ARPIN: variants seen among roughly 807,000 people sequenced by gnomAD.
ARPIN encodes UPF0552 protein C15orf38.
ARPIN carries 23 observed loss-of-function variants against 25.9 expected under a neutral mutation model. That is an observed-to-expected ratio of 0.89 (90% CI 0.64 to 1.26). The LOEUF (loss-of-function observed/expected upper bound fraction) is 1.26, where lower values mean the gene tolerates loss of function less well. Ranked by LOEUF, ARPIN falls within the 50% of genes most tolerant of loss-of-function variation. The pLI, the probability that ARPIN is intolerant of heterozygous loss-of-function variation, is 0.00. For missense variants in ARPIN, 333 were observed against 312.2 expected, an observed-to-expected ratio of 1.07 and a Z score of -0.50; for synonymous variants, 126 against 131.4, an observed-to-expected ratio of 0.96 and a Z score of 0.28.
At chr15:89,908,126 C>A (rs1476101236) in intron 3 of ARPIN, among the ~76,000 whole-genome samples, 154 bp downstream of exon 3, 1 of 152,088 alleles carries the variant, frequency 6.6e-6, no homozygotes. Flanking sequence ...GGAGGCAAGG[C>A]CAGGGGTGGA....
At chr15:89,910,137 A>C (rs1356352950) in intron 2 of ARPIN, among the ~76,000 whole-genome samples, 2 of 152,204 alleles carry the variant, frequency 1.3e-5, no homozygotes, top group African/African-American at 2.4e-5. Context: ...CAGGAGGGAC[A>C]TGCAGGCTCC....
At position 89,912,594 on chromosome 15, in the gene ARPIN, CGGCGGACTGGAGG is replaced by C. The variant is rs1388187135; in HGVS notation, c.92+137_92+149del. The C allele has an allele frequency of 4.5e-6, 6 of 1,342,220 alleles. No homozygotes were observed. In the African/African-American group the frequency reaches 6.2e-5, roughly 14 times the overall value. The allele number at this position is 1,342,220 out of a possible 1,614,324, so 83.1% of individuals were successfully genotyped here. A position where few individuals can be genotyped will look rare whatever the true frequency, so the allele number is the denominator to read the frequency against. On this transcript the variant is annotated intron_variant, in intron 1 of 5. Transcript: ENST00000357484. ...GGCGCGGCGGCAGGGGCGCCGGGAG[CGGCGGACTGGAGG>C]GGCGGACTGAAGGCGGAGAGGCGGC...
chr15:89,903,061 T>C (rs1897049318), intron 5 of ARPIN, 155 bp downstream of exon 5: 7 of 1,527,962 alleles, frequency 4.6e-6, no homozygotes, highest in Non-Finnish European at 6.2e-6. Flanking sequence ...AGAGGAATTC[T>C]CCTGATGCTA....
chr15:89,908,829 A>C (rs1897174120), intron 2 of ARPIN, among the ~76,000 whole-genome samples: 1 of 152,076 alleles, frequency 6.6e-6, no homozygotes, highest in East Asian at 1.9e-4. Context: ...CAAAAATATA[A>C]AAAATTAGCC....
chr15:89,901,843 C>T, intron 5 of ARPIN, 40 bp from the exon 6 acceptor site: 1 of 1,611,914 alleles, frequency 6.2e-7, no homozygotes. Flanking sequence ...GGAGACAGCA[C>T]ATGTCATAAA....
chr15:89,912,881 C>T lies in ARPIN; in HGVS notation c.-46G>A. On this transcript the variant is annotated 5_prime_UTR_variant, in exon 1 of 6. Coordinates refer to ENST00000357484, the MANE Select transcript of ARPIN (RefSeq NM_182616.4). ...CCCGGCACAGAGCCGGCGCACTGGG[C>T]TGGGGGCGCGGCGCGGGAAGTGCTG... 2 of 1,479,024 alleles carry T rather than the reference C, an allele frequency of 1.4e-6. No homozygotes were observed. The highest frequency in any genetic ancestry group is 1.8e-6 in the Non-Finnish European group (2 of 1,121,552). The allele number at this position is 1,479,024 out of a possible 1,614,324, so 91.6% of individuals were successfully genotyped here. A position where few individuals can be genotyped will look rare whatever the true frequency, so the allele number is the denominator to read the frequency against.
At chr15:89,908,014 G>A (rs1441520010) in intron 3 of ARPIN, among the ~76,000 whole-genome samples, 1 of 152,206 alleles carries the variant, frequency 6.6e-6, no homozygotes, top group Non-Finnish European at 1.5e-5. Context: ...CCAAAGCCAG[G>A]TTTGTGGGTG....
In ARPIN at chr15:89,897,027, TC is replaced by T. The variant is rs1896940997; in HGVS notation, c.*4767del. On this transcript the variant is annotated 3_prime_UTR_variant, in exon 6 of 6. Transcript: ENST00000357484. ...AGTAATATGACTCCTGGGCATCTGTTCCTAAAGAAATAACCCAAAAATATAG... is the reference window on the plus strand; with the variant it reads ...AGTAATATGACTCCTGGGCATCTGTTCTAAAGAAATAACCCAAAAATATAG... The T allele has an allele frequency of 6.6e-6, 1 of 152,214 alleles. No individual in the cohort carries two copies. Among genetic ancestry groups the T allele is most frequent in the African/African-American group, 2.4e-5 (1 of 41,450 alleles). 9.4% of individuals were successfully genotyped at this position (152,214 alleles called of 1,614,324 possible).
Position 89,903,847 on chromosome 15 carries a change from C to A in ARPIN, c.438G>T (p.Glu146Asp). The change falls in exon 4 of 6, where the codon GAG becomes GAT. Residue 146 changes from glutamate to aspartate, a missense_variant. Transcript: ENST00000357484. ...HTVAFWMPES[E>D]MEVMELELGA... ...CCAGCTCGAGTTCCATCACCTCCAT[C>A]TCTGACTCGGGCATCCAGAACGCCA... 1 of 1,614,214 alleles carries A rather than the reference C, an allele frequency of 6.2e-7. No homozygotes were observed. Among genetic ancestry groups the A allele is most frequent in the African/African-American group, 1.3e-5 (1 of 75,070 alleles).
intron 3 of ARPIN, among the ~76,000 whole-genome samples, chr15:89,905,266 C>A (rs765389093): frequency 3.9e-5 from 6 of 152,158 alleles, no homozygotes; most frequent in Non-Finnish European, 8.8e-5. Context: ...AGGTAATCCA[C>A]CCATCTCAGC....
At position 89,901,441 on chromosome 15, in the gene ARPIN, G is replaced by A; in HGVS notation, c.*354C>T. ...CGCCTGTAATCCCAACACCTTGGGA[G>A]GTGGAGGGGGGTGGATCGCTTGAGT... is the stretch of plus-strand genomic sequence containing the variant. On this transcript the variant is annotated 3_prime_UTR_variant, in exon 6 of 6. Coordinates refer to ENST00000357484, the MANE Select transcript of ARPIN (RefSeq NM_182616.4). The A allele has an allele frequency of 3.4e-6, 1 of 289,974 alleles. No homozygotes were observed. Among genetic ancestry groups the A allele is most frequent in the South Asian group, 4.4e-5 (1 of 22,706 alleles). The allele number at this position is 289,974 out of a possible 1,614,324, so 18.0% of individuals were successfully genotyped here. A position where few individuals can be genotyped will look rare whatever the true frequency, so the allele number is the denominator to read the frequency against.
Position 89,897,889 on chromosome 15 carries a change from A to C in ARPIN, c.*3906T>G, listed in dbSNP as rs1156656664. ...TGAGGAGGGTGGATCACCTGAGGTCAGGAGTTCGAGACCAGCCTAGCCAAC... is the reference window on the plus strand; with the variant it reads ...TGAGGAGGGTGGATCACCTGAGGTCCGGAGTTCGAGACCAGCCTAGCCAAC... On this transcript the variant is annotated 3_prime_UTR_variant, in exon 6 of 6. Transcript: ENST00000357484. The C allele has an allele frequency of 1.3e-5, 2 of 152,184 alleles. No homozygotes were observed. Among genetic ancestry groups the C allele is most frequent in the Non-Finnish European group, 2.9e-5 (2 of 68,060 alleles). The allele number at this position is 152,184 out of a possible 1,614,324, so 9.4% of individuals were successfully genotyped here.
rs141971777 is a variant in ARPIN, at chr15:89,909,222, G to A, written c.169-810C>T. On this transcript the variant is annotated intron_variant, in intron 2 of 5. Coordinates refer to ENST00000357484, the MANE Select transcript of ARPIN (RefSeq NM_182616.4). The stretch of plus-strand genomic sequence containing the variant: ...TATGAGGGTTCAATGAGATAACAGA[G>A]GGGCAAGCACAGTGCCAAGCGTGAA... 4.1e-3 allele frequency among the ~76,000 whole-genome samples: 623 copies of A among 152,256 alleles called. 2 individuals carry two copies. Among genetic ancestry groups the A allele is most frequent in the Non-Finnish European group, 6.7e-3 (459 of 68,032 alleles).
intron 1 of ARPIN, among the ~76,000 whole-genome samples, 169 bp from the exon 2 acceptor site, chr15:89,910,988 A>G (rs1195153726): frequency 6.6e-6 from 1 of 152,150 alleles, no homozygotes; most frequent in Admixed American, 6.5e-5. Context: ...GGCATTGCCC[A>G]GATGCCAGGA....
chr15:89,901,583 C>T lies in ARPIN; in HGVS notation c.*212G>A. 1.7e-6 allele frequency: 1 copy of T among 601,238 alleles called. No homozygotes were observed. The highest frequency in any genetic ancestry group is 2.9e-5 in the East Asian group (1 of 34,868). The allele number at this position is 601,238 out of a possible 1,614,324, so 37.2% of individuals were successfully genotyped here. ...GACTCACATGCAGGGAGGGGCCCTC[C>T]CTGAGCCACAGCATGAGGCCCCACC... On this transcript the variant is annotated 3_prime_UTR_variant, in exon 6 of 6. Transcript: ENST00000357484.
In ARPIN at chr15:89,912,727, C is replaced by A; in HGVS notation, c.92+17G>T. On this transcript the variant is annotated intron_variant, in intron 1 of 5. Coordinates refer to ENST00000357484, the MANE Select transcript of ARPIN (RefSeq NM_182616.4). The stretch of plus-strand genomic sequence containing the variant: ...GGGGCAGGGGAGGCCGACCCGAGGC[C>A]GTGAGCCCAGGCCTACCCCTGGTGG... 1.4e-6 allele frequency: 2 copies of A among 1,398,106 alleles called. No homozygotes were observed. The highest frequency in any genetic ancestry group is 1.9e-6 in the Non-Finnish European group (2 of 1,078,090). 86.6% of individuals were successfully genotyped at this position (1,398,106 alleles called of 1,614,324 possible). A position where few individuals can be genotyped will look rare whatever the true frequency, so the allele number is the denominator to read the frequency against.
chr15:89,909,885 C>T (rs1179749109), intron 2 of ARPIN, among the ~76,000 whole-genome samples: 3 of 152,146 alleles, frequency 2.0e-5, no homozygotes, highest in Non-Finnish European at 4.4e-5. Context: ...GGCAACTGCA[C>T]CATCACCAGG....
Position 89,903,284 on chromosome 15 carries a change from G to T in ARPIN, c.604C>A (p.Gln202Lys). The T allele has an allele frequency of 6.2e-7, 1 of 1,614,124 alleles. No individual in the cohort carries two copies. Among genetic ancestry groups the T allele is most frequent in the South Asian group, 1.1e-5 (1 of 91,078 alleles). The change falls in exon 5 of 6, where the codon CAA becomes AAA. Residue 202 changes from glutamine (Q) to lysine (K), a missense_variant. By Grantham distance (53) the Gln-to-Lys change is moderately conservative. Transcript: ENST00000357484. ...GCTGCAGCCCCCTTCGAACACTTTT[G>T]GGCCATGATGTTGTCTGTCCAGGAT... Reference protein sequence around the residue: ...GASWTDNIMAQKCSKGAAAEI... With the variant: ...GASWTDNIMAKKCSKGAAAEI...
intron 1 of ARPIN, chr15:89,912,173 A>G (rs1249954222): frequency 2.0e-6 from 2 of 981,200 alleles, no homozygotes; most frequent in African/African-American, 3.5e-5. Flanking sequence ...ATACGAGATC[A>G]CACAGTATTT....
Sources: gnomAD v4.1 joint callset for allele counts (sites outside exome capture counted in the v4.1 genomes callset) on GRCh38, gnomAD v4.1.1 for gene constraint, MANE v1.5 for transcripts, NCBI Gene and HGNC (gene_info 2026-07-23, HGNC 2026-07-21) for gene names.